SEC63: variants seen among roughly 807,000 people sequenced by gnomAD.
SEC63 encodes the protein SEC63 protein translocation regulator, also known as translocation protein SEC63 homolog.
In SEC63, 56 loss-of-function variants were observed where a neutral mutation model predicts 116.2. That is an observed-to-expected ratio of 0.48 (90% CI 0.39 to 0.60). SEC63 has a LOEUF of 0.60. Among genes scored for constraint, SEC63 ranks in the 20% least tolerant of loss-of-function variants. The pLI, the probability that SEC63 is intolerant of heterozygous loss-of-function variation, is 0.00. For synonymous variants in SEC63, 273 were observed against 294.6 expected (o/e 0.93, Z 0.75); for missense variants, 668 against 900.0 (o/e 0.74, Z 3.30).
At chr6:107,936,150 C>T (rs1770240020) in intron 1 of SEC63, among the ~76,000 whole-genome samples, 1 of 152,158 alleles carries the variant, frequency 6.6e-6, no homozygotes, top group African/African-American at 2.4e-5. Flanking sequence ...TGTTCCTGGC[C>T]AAGAGAAAGT....
rs566844886 is a variant in SEC63 at position 107,886,805 on chromosome 6, G to C, written c.1675-3659C>G. On this transcript the variant is annotated intron_variant, in intron 16 of 20. Transcript: ENST00000369002. The stretch of plus-strand genomic sequence containing the variant: ...ATAAAAACTTTCTCCCATTCTGTGG[G>C]TTGCCTGTTCACTCTGATGATAGTT... 5.4e-5 allele frequency among the ~76,000 whole-genome samples: 8 copies of C among 147,972 alleles called. 1 individual carries two copies. In the South Asian group the frequency reaches 1.7e-3, roughly 31 times the overall value.
intron 1 of SEC63, among the ~76,000 whole-genome samples, chr6:107,934,972 G>A (rs1262040741): frequency 5.7e-4 from 62 of 109,404 alleles, no homozygotes; most frequent in African/African-American, 2.1e-3. Flanking sequence ...CCGGCCAGCC[G>A]CCCCGTCCGG....
rs1011128897 is a variant in SEC63 at position 107,876,072 on chromosome 6, AC to A, written c.2034+491del. 2.0e-5 allele frequency among the ~76,000 whole-genome samples: 3 copies of A among 152,318 alleles called. No homozygotes were observed. The East Asian group carries it at 5.8e-4, about 29-fold the overall frequency. On this transcript the variant is annotated intron_variant, in intron 19 of 20. Transcript: ENST00000369002. The stretch of plus-strand genomic sequence containing the variant: ...GAAAAAAAACACACACACAAAAAAA[AC>A]ATGAAAAACAACAACAAAAATGCAG...
intron 1 of SEC63, among the ~76,000 whole-genome samples, chr6:107,948,596 G>A (rs1271949049): frequency 6.6e-6 from 1 of 152,100 alleles, no homozygotes. Context: ...TTAGTTCCTT[G>A]GTTTGTACCT....
chr6:107,894,287 TAAC>T (rs1786763657), intron 14 of SEC63, among the ~76,000 whole-genome samples: 1 of 152,196 alleles, frequency 6.6e-6, no homozygotes, highest in African/African-American at 2.4e-5. Context: ...ATGTGCGAAA[TAAC>T]AACAACAAAA....
At chr6:107,947,924 C>G (rs1770508865) in intron 1 of SEC63, among the ~76,000 whole-genome samples, 1 of 152,116 alleles carries the variant, frequency 6.6e-6, no homozygotes, top group Non-Finnish European at 1.5e-5. Flanking sequence ...GTTTTATTAC[C>G]ATACTTTAAA....
At chr6:107,912,949 T>C (rs1235789685) in intron 5 of SEC63, among the ~76,000 whole-genome samples, 175 bp from the exon 6 acceptor site, 1 of 152,194 alleles carries the variant, frequency 6.6e-6, no homozygotes, top group Non-Finnish European at 1.5e-5. Flanking sequence ...TTCAGGGATA[T>C]AGTTTATATC....
At chr6:107,903,744 T>C (rs926905001) in intron 11 of SEC63, among the ~76,000 whole-genome samples, 3 of 152,200 alleles carry the variant, frequency 2.0e-5, no homozygotes, top group African/African-American at 7.2e-5. Context: ...TTTATATCAG[T>C]TAAAGATTTC....
At chr6:107,913,571 G>C (rs1292704770) in intron 4 of SEC63, 144 bp from the exon 5 acceptor site, 7 of 734,976 alleles carry the variant, frequency 9.5e-6, no homozygotes, top group East Asian at 2.5e-5. Context: ...CTGAAATCAG[G>C]AGAAAGGGAA....
intron 1 of SEC63, among the ~76,000 whole-genome samples, chr6:107,949,333 T>C (rs1453144086): frequency 2.6e-5 from 4 of 152,050 alleles, no homozygotes; most frequent in Non-Finnish European, 5.9e-5. Context: ...AAAAAGTAAC[T>C]ACAGAATATA....
intron 3 of SEC63, 50 bp from the exon 4 acceptor site, chr6:107,921,959 C>G (rs2114476891): frequency 9.6e-7 from 1 of 1,041,746 alleles, no homozygotes; most frequent in South Asian, 1.3e-5. Flanking sequence ...CAAAAATAAG[C>G]ACAATTCTGT....
intron 1 of SEC63, among the ~76,000 whole-genome samples, chr6:107,938,562 T>C (rs1216979464): frequency 6.8e-6 from 1 of 147,686 alleles, no homozygotes; most frequent in Non-Finnish European, 1.5e-5. Flanking sequence ...GTCACTTCTT[T>C]TTTCTTTTTT....
intron 16 of SEC63, among the ~76,000 whole-genome samples, chr6:107,884,111 A>AAACC (rs1786474517): frequency 1.3e-5 from 2 of 151,536 alleles, no homozygotes; most frequent in South Asian, 4.2e-4. Flanking sequence ...ACAAACAAAC[A>AAACC]AACAAAAAAA....
rs1350898229 is a variant in SEC63 at position 107,904,636 on chromosome 6, G to A, written c.1047C>T (p.Asn349=). The stretch of plus-strand genomic sequence containing the variant: ...ACTATATTTCCTCCTCACCTTCACG[G>A]TTCCGGGCCATTACTATTAGTTGGC... ...VICQLIVMAR[N]REEREFRAPT... The change falls in exon 11 of 21, where the codon AAC becomes AAT. Residue 349 remains asparagine (N), a synonymous_variant. Coordinates refer to ENST00000369002, the MANE Select transcript of SEC63 (RefSeq NM_007214.5). 5.0e-6 allele frequency: 8 copies of A among 1,608,518 alleles called. No homozygotes were observed. The East Asian group carries it at 1.1e-4, about 22-fold the overall frequency.
chr6:107,935,011 C>T (rs1770172977), intron 1 of SEC63, among the ~76,000 whole-genome samples: 1 of 135,476 alleles, frequency 7.4e-6, no homozygotes, highest in Admixed American at 7.3e-5. Context: ...AGCCCCCCGC[C>T]CGGCCAGCCA....
intron 1 of SEC63, among the ~76,000 whole-genome samples, chr6:107,940,991 G>A (rs1267453730): frequency 3.9e-5 from 6 of 151,982 alleles, no homozygotes; most frequent in South Asian, 2.1e-4. Flanking sequence ...CCAAAAACAG[G>A]TAAAACAAAG....
Position 107,957,955 on chromosome 6 carries a change from G to A in SEC63, c.55C>T (p.Leu19Phe). The A allele has an allele frequency of 1.2e-6, 2 of 1,613,480 alleles. No homozygotes were observed. Among genetic ancestry groups the A allele is most frequent in the South Asian group, 1.1e-5 (1 of 91,084 alleles). Residue 19 changes from leucine (L) to phenylalanine (F), a missense_variant, in exon 1 of 21, where the codon CTC becomes TTC. By Grantham distance (22) the Leu-to-Phe change is conservative. Around this residue, in one of 5 missense-constraint regions of SEC63, gnomAD observed 142 missense variants for 169.5 expected, o/e 0.84. Coordinates refer to ENST00000369002, the MANE Select transcript of SEC63 (RefSeq NM_007214.5). ...ACGATGAGCCCCACGAAGGAGGTGAGGAAGTAGAAGAAGGTGTTCCCACTG... is the reference window on the plus strand; with the variant it reads ...ACGATGAGCCCCACGAAGGAGGTGAAGAAGTAGAAGAAGGTGTTCCCACTG... ...DDSGNTFFYF[L>F]TSFVGLIVIP... is the part of the protein sequence containing the mutation.
Position 107,881,214 on chromosome 6 carries a change from C to G in SEC63, c.1870G>C (p.Glu624Gln). 3 of 1,613,014 alleles carry G rather than the reference C, an allele frequency of 1.9e-6. No individual in the cohort carries two copies. Among genetic ancestry groups the G allele is most frequent in the Non-Finnish European group, 2.5e-6 (3 of 1,179,646 alleles). The stretch of plus-strand genomic sequence containing the variant: ...GATTTGGTTTCCAATAGAGCTCTCT[C>G]TTTTCGCTGTATGCTTTGTTGTAAT... ...QELQQSIQRK[E>Q]RALLETKSKI... Residue 624 changes from glutamate to glutamine, a missense_variant, in exon 18 of 21, where the codon GAG (glutamate) becomes CAG (glutamine). Glu to Gln is a conservative substitution (Grantham distance 29). This residue lies in a region of SEC63 where 430 missense variants were observed against 557.5 expected (regional missense o/e 0.77). Coordinates refer to ENST00000369002, the MANE Select transcript of SEC63 (RefSeq NM_007214.5).
chr6:107,932,135 C>T (rs567776501), intron 1 of SEC63: 2 of 175,240 alleles, frequency 1.1e-5, no homozygotes, highest in East Asian at 1.7e-4. Flanking sequence ...AGCTCTATGA[C>T]ACTGGCATGG....
Sources: allele counts gnomAD v4.1 joint callset (sites outside exome capture counted in the v4.1 genomes callset), GRCh38; gene constraint gnomAD v4.1.1; regional missense constraint gnomAD v4.1.1; transcripts MANE v1.5; gene names NCBI Gene and HGNC (gene_info 2026-07-23, HGNC 2026-07-21).